TMBIM1: variants seen among roughly 807,000 people sequenced by gnomAD.
TMBIM1 encodes transmembrane BAX inhibitor motif containing 1.
Under a neutral mutation model 45.1 loss-of-function variants are expected in TMBIM1, and 34 were observed. The ratio of observed to expected loss-of-function variants is 0.75; its 90% CI spans 0.57 to 1.00. The LOEUF (loss-of-function observed/expected upper bound fraction) is 1.00, where lower values mean the gene tolerates loss of function less well. TMBIM1 is among the 50% of genes least tolerant of loss of function. The pLI, the probability that TMBIM1 is intolerant of heterozygous loss-of-function variation, is 0.00. For synonymous variants in TMBIM1, 157 were observed against 153.5 expected (o/e 1.02, Z -0.17); for missense variants, 374 against 402.4 (o/e 0.93, Z 0.60).
At chr2:218,286,952 T>C (rs1336850273) in intron 1 of TMBIM1, 1 of 152,112 alleles carries the variant, frequency 6.6e-6, no homozygotes, top group Non-Finnish European at 1.5e-5. Context: ...CCCTCCCTTT[T>C]CCTTTATCTG....
chr2:218,282,965 A>G (rs1163204320), intron 1 of TMBIM1, among the ~76,000 whole-genome samples: 1 of 152,172 alleles, frequency 6.6e-6, no homozygotes, highest in Non-Finnish European at 1.5e-5. Flanking sequence ...GCTAGGGAAG[A>G]GAGAGTGAGT....
At chr2:218,276,956 T>C in intron 10 of TMBIM1, 48 bp downstream of exon 10, 1 of 1,521,162 alleles carries the variant, frequency 6.6e-7, no homozygotes, top group Non-Finnish European at 9.1e-7. Flanking sequence ...ATAGGAAGTC[T>C]GCCCTGAGCA....
rs188535559 is a variant in TMBIM1 at position 218,277,539 on chromosome 2, C to T, written c.552-86G>A. 1.1e-5 allele frequency: 18 copies of T among 1,607,282 alleles called. No homozygotes were observed. In the African/African-American group the frequency reaches 2.3e-4, roughly 20 times the overall value. ...TCACCACTTCCAGAGGGGACCTGCCCAGAATCCACCCACGCAGCTGGCTGC... is the reference window on the plus strand; with the variant it reads ...TCACCACTTCCAGAGGGGACCTGCCTAGAATCCACCCACGCAGCTGGCTGC... On this transcript the variant is annotated intron_variant, in intron 8 of 11. Coordinates refer to ENST00000258412, the MANE Select transcript of TMBIM1 (RefSeq NM_022152.6).
rs763613366 is a variant in TMBIM1 at position 218,279,387 on chromosome 2, C to T, written c.304-34G>A. 123 of 1,525,766 alleles carry T rather than the reference C, an allele frequency of 8.1e-5. 1 individual carries two copies. The East Asian group carries it at 2.4e-3, about 30-fold the overall frequency. 94.5% of individuals were successfully genotyped at this position (1,525,766 alleles called of 1,614,324 possible). A position where few individuals can be genotyped will look rare whatever the true frequency, so the allele number is the denominator to read the frequency against. On this transcript the variant is annotated intron_variant, in intron 3 of 11. Transcript: ENST00000258412. ...AGACGGCCGGGCATGGGTCACCATC[C>T]GGCACCCCTGGCCTGCCCCAGGAAG...
At chr2:218,276,427 G>T (rs1200463405) in intron 10 of TMBIM1, among the ~76,000 whole-genome samples, 1 of 152,166 alleles carries the variant, frequency 6.6e-6, no homozygotes, top group Non-Finnish European at 1.5e-5. Flanking sequence ...CCTGGGAGGG[G>T]TAGACTAAGG....
chr2:218,278,251 C>T (rs1691455899), intron 6 of TMBIM1: 1 of 604,988 alleles, frequency 1.7e-6, no homozygotes, highest in Non-Finnish European at 2.9e-6. Flanking sequence ...TACTCAGCCT[C>T]TTTGAGCCTC....
At position 218,278,640 on chromosome 2, in the gene TMBIM1, T is replaced by G. The variant is rs187855407; in HGVS notation, c.423-75A>C. The G allele has an allele frequency of 6.4e-4, 991 of 1,537,192 alleles. 7 individuals are homozygous for G. The African/African-American group carries it at 0.012, about 19-fold the overall frequency. ...TGGCAGCACACACCAGGCCAGTGATTTGGGGCCCAAATAGCCGTTTGGAAG... is the reference window on the plus strand; with the variant it reads ...TGGCAGCACACACCAGGCCAGTGATGTGGGGCCCAAATAGCCGTTTGGAAG... On this transcript the variant is annotated intron_variant, in intron 5 of 11. Transcript: ENST00000258412.
intron 1 of TMBIM1, among the ~76,000 whole-genome samples, chr2:218,283,752 G>T (rs1236071412): frequency 6.6e-6 from 1 of 152,210 alleles, no homozygotes; most frequent in African/African-American, 2.4e-5. Context: ...AGGTGGCAGG[G>T]AGGGTTGAGG....
chr2:218,278,388 T>C, intron 6 of TMBIM1, 127 bp downstream of exon 6: 2 of 994,074 alleles, frequency 2.0e-6, no homozygotes, highest in Non-Finnish European at 3.1e-6. Flanking sequence ...GCTGTCATCG[T>C]CATCCTCCTC....
intron 11 of TMBIM1, 116 bp downstream of exon 11, chr2:218,275,910 A>T (rs1273923961): frequency 8.1e-7 from 1 of 1,230,314 alleles, no homozygotes; most frequent in East Asian, 2.5e-5. Context: ...AGTGAGAGGA[A>T]TGGCCTGCTA....
rs750942298 is a variant in TMBIM1 at position 218,280,054 on chromosome 2, C to T, written c.275G>A (p.Arg92Gln). 8.7e-6 allele frequency: 14 copies of T among 1,614,004 alleles called. No homozygotes were observed. The East Asian group carries it at 8.9e-5, about 10-fold the overall frequency. ...DSFGPGEWDD[R>Q]KVRHTFIRKV... ...TCGGATAAAAGTGTGTCGCACTTTC[C>T]GGTCATCCCACTCTCCAGGCCCGAA... is the stretch of plus-strand genomic sequence containing the variant. Residue 92 changes from arginine to glutamine, a missense_variant, in exon 3 of 12, where the codon CGG (arginine) becomes CAG (glutamine). Arg to Gln is a conservative substitution (Grantham distance 43). Coordinates refer to ENST00000258412, the MANE Select transcript of TMBIM1 (RefSeq NM_022152.6).
chr2:218,275,329 G>A lies in TMBIM1; in HGVS notation c.*146C>T. ...TACCCACACATCCATAGCCAGAGAG[G>A]CCACCTGTCTCCAGGACAGAAAGGA... On this transcript the variant is annotated 3_prime_UTR_variant, in exon 12 of 12. Transcript: ENST00000258412. 9.0e-7 allele frequency: 1 copy of A among 1,110,018 alleles called. No homozygotes were observed. Among genetic ancestry groups the A allele is most frequent in the Non-Finnish European group, 1.2e-6 (1 of 807,632 alleles). The allele number at this position is 1,110,018 out of a possible 1,614,324, so 68.8% of individuals were successfully genotyped here.
At chr2:218,280,157 G>A (rs2106203956) in intron 2 of TMBIM1, 31 bp from the exon 3 acceptor site, 1 of 1,520,870 alleles carries the variant, frequency 6.6e-7, no homozygotes, top group Middle Eastern at 1.7e-4. Context: ...ACTCAGCTGG[G>A]GACCTGAGAC....
At chr2:218,278,932 C>T in intron 5 of TMBIM1, 106 bp downstream of exon 5, 5 of 1,332,916 alleles carry the variant, frequency 3.8e-6, no homozygotes, top group South Asian at 1.3e-5. Context: ...AACTTGGGGG[C>T]CCTCTCAAAA....
chr2:218,290,554 C>T (rs1460380993), intron 1 of TMBIM1, among the ~76,000 whole-genome samples: 1 of 152,222 alleles, frequency 6.6e-6, no homozygotes, highest in Non-Finnish European at 1.5e-5. Flanking sequence ...CCATTCCACA[C>T]AGCTGCTATC....
At chr2:218,277,148 G>T in intron 9 of TMBIM1, 49 bp from the exon 10 acceptor site, 1 of 1,542,062 alleles carries the variant, frequency 6.5e-7, no homozygotes, top group Non-Finnish European at 9.0e-7. Context: ...GTGACAACCA[G>T]CCCAGTCAGA....
chr2:218,287,557 A>G (rs114111206), intron 1 of TMBIM1, among the ~76,000 whole-genome samples: 228 of 152,256 alleles, frequency 1.5e-3, no homozygotes, highest in Non-Finnish European at 2.4e-3. Flanking sequence ...AAAAATACAA[A>G]AAATTAGCTG....
In TMBIM1 at chr2:218,275,137, C is replaced by T. The variant is rs1691066193; in HGVS notation, c.*338G>A. 1 of 190,716 alleles carries T rather than the reference C, an allele frequency of 5.2e-6. No individual in the cohort carries two copies. The highest frequency in any genetic ancestry group is 1.1e-5 in the Non-Finnish European group (1 of 93,814). 11.8% of individuals were successfully genotyped at this position (190,716 alleles called of 1,614,324 possible). On this transcript the variant is annotated 3_prime_UTR_variant, in exon 12 of 12. Coordinates refer to ENST00000258412, the MANE Select transcript of TMBIM1 (RefSeq NM_022152.6). ...GAAGTCACTTCTACCTTTCATATTCCCTTCTAGCTATCGAATAGGCTCTTT... is the reference window on the plus strand; with the variant it reads ...GAAGTCACTTCTACCTTTCATATTCTCTTCTAGCTATCGAATAGGCTCTTT...
At chr2:218,287,562 T>A (rs1190963136) in intron 1 of TMBIM1, among the ~76,000 whole-genome samples, 4 of 151,854 alleles carry the variant, frequency 2.6e-5, no homozygotes, top group African/African-American at 4.8e-5. Flanking sequence ...TACAAAAAAT[T>A]AGCTGGGCGT....
Sources: gnomAD v4.1 joint callset for allele counts (sites outside exome capture counted in the v4.1 genomes callset) on GRCh38, gnomAD v4.1.1 for gene constraint, MANE v1.5 for transcripts, NCBI Gene and HGNC (gene_info 2026-07-23, HGNC 2026-07-21) for gene names.